Variants in PRSS23 observed in about 807,000 individuals in gnomAD.
PRSS23 encodes serine protease 23, also known as protease, serine 23.
Under a neutral mutation model 34.7 loss-of-function variants are expected in PRSS23, and 25 were observed. That is an observed-to-expected ratio of 0.72 (90% CI 0.53 to 1.01). PRSS23 has a LOEUF of 1.01. Ranked by LOEUF, PRSS23 falls within the 50% of genes least tolerant of loss-of-function variation. The pLI, the probability that PRSS23 is intolerant of heterozygous loss-of-function variation, is 0.00. For missense variants in PRSS23, 445 were observed against 475.6 expected, an observed-to-expected ratio of 0.94 and a Z score of 0.60; for synonymous variants, 176 against 186.6, an observed-to-expected ratio of 0.94 and a Z score of 0.46.
chr11:86,805,822 A>G (rs1296247267), intron 1 of PRSS23, among the ~76,000 whole-genome samples: 1 of 152,248 alleles, frequency 6.6e-6, no homozygotes, highest in Admixed American at 6.5e-5. Flanking sequence ...AAAGGCACCC[A>G]AAGTTGCCAG....
chr11:86,944,085 G>C (rs921573629), intron 2 of PRSS23, among the ~76,000 whole-genome samples: 3 of 152,008 alleles, frequency 2.0e-5, no homozygotes, highest in African/African-American at 7.3e-5. Context: ...AGAAAGCAAA[G>C]ATCAAGGTTG....
intron 2 of PRSS23, among the ~76,000 whole-genome samples, chr11:86,942,342 CATG>C (rs1306229173): frequency 6.6e-6 from 1 of 152,210 alleles, no homozygotes; most frequent in Non-Finnish European, 1.5e-5. Flanking sequence ...GTGAGAGGAA[CATG>C]ATGAAACCAG....
chr11:86,825,350 G>C (rs1295912035), intron 2 of PRSS23, among the ~76,000 whole-genome samples: 2 of 152,090 alleles, frequency 1.3e-5, no homozygotes, highest in Admixed American at 6.5e-5. Context: ...TTGTAAATTT[G>C]TTTGAGTTCT....
At chr11:86,929,085 G>A (rs1210554312) in intron 2 of PRSS23, among the ~76,000 whole-genome samples, 2 of 152,112 alleles carry the variant, frequency 1.3e-5, no homozygotes, top group Admixed American at 1.3e-4. Flanking sequence ...ACTTTGGGAG[G>A]CCGAGGTGGG....
chr11:86,950,177 G>C (rs988157771), intron 2 of PRSS23: 1 of 152,584 alleles, frequency 6.6e-6, no homozygotes, highest in African/African-American at 2.4e-5. Flanking sequence ...TAACATTTCA[G>C]CTCTTCCAGA....
At chr11:86,939,426 A>ATATATTTTTTTTTTTTTT in intron 2 of PRSS23, among the ~76,000 whole-genome samples, 2 of 94,072 alleles carry the variant, frequency 2.1e-5, no homozygotes, top group Admixed American at 2.6e-4. Context: ...ATATATATAT[A>ATATATTTTTTTTTTTTTT]TTTTTTAACA....
At chr11:86,849,910 C>T (rs554260840) in intron 2 of PRSS23, among the ~76,000 whole-genome samples, 1 of 152,140 alleles carries the variant, frequency 6.6e-6, no homozygotes, top group Non-Finnish European at 1.5e-5. Flanking sequence ...GAGCCCTAGA[C>T]ATAGTAACAG....
chr11:86,943,510 G>C (rs1949219597), intron 2 of PRSS23, among the ~76,000 whole-genome samples: 1 of 152,036 alleles, frequency 6.6e-6, no homozygotes. Flanking sequence ...TGTAATCCCA[G>C]CTACTCAGGA....
intron 2 of PRSS23, among the ~76,000 whole-genome samples, chr11:86,848,221 A>G (rs1273796377): frequency 1.3e-5 from 2 of 152,338 alleles, no homozygotes; most frequent in South Asian, 2.1e-4. Context: ...TTGATCTAAC[A>G]TGGAGAGATA....
At chr11:86,871,644 C>T (rs552905071) in intron 2 of PRSS23, among the ~76,000 whole-genome samples, 9 of 152,316 alleles carry the variant, frequency 5.9e-5, no homozygotes, top group African/African-American at 1.7e-4. Flanking sequence ...GCCTCACAAT[C>T]GTGTGACTTC....
intron 2 of PRSS23, chr11:86,857,585 C>T (rs553122588): frequency 6.1e-6 from 3 of 495,756 alleles, no homozygotes; most frequent in Non-Finnish European, 1.2e-5. Context: ...TAAGAAGACA[C>T]AGAGGTGAGG....
At chr11:86,834,394 G>C (rs773281975) in intron 2 of PRSS23, among the ~76,000 whole-genome samples, 4 of 152,108 alleles carry the variant, frequency 2.6e-5, no homozygotes, top group Non-Finnish European at 4.4e-5. Context: ...ACCGGGACTT[G>C]GTTTTCCCGA....
chr11:86,792,964 C>T (rs185351366), intron 1 of PRSS23, among the ~76,000 whole-genome samples: 2 of 152,308 alleles, frequency 1.3e-5, no homozygotes, highest in East Asian at 3.9e-4. Flanking sequence ...CCTTGACCTC[C>T]CAGGCTCAAG....
At chr11:86,935,827 C>T (rs1949158160) in intron 2 of PRSS23, 1 of 152,088 alleles carries the variant, frequency 6.6e-6, no homozygotes, top group African/African-American at 2.4e-5. Context: ...CTTGGTGCTG[C>T]CTTAGGTATA....
At chr11:86,939,393 T>TAAA (rs778076028) in intron 2 of PRSS23, among the ~76,000 whole-genome samples, 3,218 of 83,000 alleles carry the variant, frequency 0.039, 117 homozygotes, top group East Asian at 0.071. Flanking sequence ...ATTTCTCAGT[T>TAAA]AAAAAAAAAA....
chr11:86,848,673 G>A (rs1220530889), intron 2 of PRSS23, among the ~76,000 whole-genome samples: 1 of 152,180 alleles, frequency 6.6e-6, no homozygotes, highest in Non-Finnish European at 1.5e-5. Flanking sequence ...CCGATATTAG[G>A]AGAAAACTCC....
intron 2 of PRSS23, chr11:86,911,808 G>C (rs1181616692): frequency 6.6e-6 from 1 of 152,582 alleles, no homozygotes; most frequent in African/African-American, 2.4e-5. Context: ...GTCTTGCTCT[G>C]TTACCCAGGC....
chr11:86,820,135 A>G (rs544623458), intron 1 of PRSS23, among the ~76,000 whole-genome samples: 1 of 152,330 alleles, frequency 6.6e-6, no homozygotes, highest in Non-Finnish European at 1.5e-5. Flanking sequence ...AATAAATACT[A>G]CAGTATTTCT....
intron 1 of PRSS23, among the ~76,000 whole-genome samples, chr11:86,803,672 G>A (rs1199175564): frequency 1.3e-5 from 2 of 152,030 alleles, no homozygotes; most frequent in African/African-American, 4.8e-5. Context: ...GCTTTTCTTT[G>A]GGGCCTGTCT....
Sources: gnomAD v4.1 joint callset for allele counts (sites outside exome capture counted in the v4.1 genomes callset) on GRCh38, gnomAD v4.1.1 for gene constraint, MANE v1.5 for transcripts, NCBI Gene and HGNC (gene_info 2026-07-23, HGNC 2026-07-21) for gene names.